SPECC1: variants seen among roughly 807,000 people sequenced by gnomAD.
SPECC1 encodes the protein sperm antigen with calponin homology and coiled-coil domains 1.
SPECC1 carries 62 observed loss-of-function variants against 104.1 expected under a neutral mutation model. The observed-to-expected ratio is 0.60, with a 90% CI of 0.49 to 0.74. SPECC1 has a LOEUF of 0.74. SPECC1 is among the 30% of genes least tolerant of loss of function. SPECC1 has a pLI of 0.00. For synonymous variants in SPECC1, 513 were observed against 501.6 expected, an observed-to-expected ratio of 1.02 and a Z score of -0.30; for missense variants, 1,306 against 1,310.5, an observed-to-expected ratio of 1.00 and a Z score of 0.05.
chr17:20,016,670 A>G (rs889072408), intron 1 of SPECC1, among the ~76,000 whole-genome samples: 15 of 152,336 alleles, frequency 9.8e-5, no homozygotes, highest in South Asian at 4.1e-4. Context: ...CCTGCGGGGC[A>G]GCGCTCATGA....
Position 20,205,761 on chromosome 17 carries a change from T to A in SPECC1, c.1712T>A (p.Val571Glu). ...EKQKATEASAVEQTAESCEVQ... is the reference protein window; with the variant it reads ...EKQKATEASAEEQTAESCEVQ... ...CAGAAAGCCACAGAGGCCAGTGCTG[T>A]GGAGCAGACGGCAGAGAGCTGCGAA... Residue 571 changes from valine (V) to glutamate (E), a missense_variant, in exon 4 of 15, where the codon GTG (valine) becomes GAG (glutamate). Physicochemically the swap from Val to Glu is moderately radical, Grantham distance 121. Transcript: ENST00000395527. 2 of 1,614,176 alleles carry A rather than the reference T, an allele frequency of 1.2e-6. No individual in the cohort carries two copies. Among genetic ancestry groups the A allele is most frequent in the Non-Finnish European group, 1.7e-6 (2 of 1,180,016 alleles).
chr17:20,220,705 C>G (rs934292505), intron 4 of SPECC1, among the ~76,000 whole-genome samples: 2 of 152,030 alleles, frequency 1.3e-5, no homozygotes, highest in Non-Finnish European at 2.9e-5. Flanking sequence ...CTGGGACTTC[C>G]AGTACTGTGT....
rs113912263 is a variant in SPECC1, at chr17:20,062,673, C to T, written c.-21-33958C>T. On this transcript the variant is annotated intron_variant, in intron 1 of 14. Coordinates refer to ENST00000395527, the MANE Select transcript of SPECC1 (RefSeq NM_001243439.2). ...GCCACCATACCAGGTCAAAATTTCA[C>T]GTATAACACAAGAAATACATTTTTT... 1.9e-4 allele frequency among the ~76,000 whole-genome samples: 29 copies of T among 151,522 alleles called. 1 individual carries two copies. Among genetic ancestry groups the T allele is most frequent in the African/African-American group, 6.6e-4 (27 of 41,150 alleles).
chr17:20,163,784 C>G (rs2033393193), intron 3 of SPECC1, among the ~76,000 whole-genome samples: 1 of 152,172 alleles, frequency 6.6e-6, no homozygotes, highest in South Asian at 2.1e-4. Context: ...TGGTCTTGAA[C>G]TCCTGGGCTC....
At chr17:20,158,355 T>C (rs867813042) in intron 3 of SPECC1, among the ~76,000 whole-genome samples, 10 of 152,184 alleles carry the variant, frequency 6.6e-5, no homozygotes, top group Non-Finnish European at 1.0e-4. Flanking sequence ...GAATTAAGAA[T>C]GTATCCAAGA....
At chr17:20,091,707 A>G (rs2047408860) in intron 1 of SPECC1, among the ~76,000 whole-genome samples, 1 of 152,076 alleles carries the variant, frequency 6.6e-6, no homozygotes, top group Non-Finnish European at 1.5e-5. Flanking sequence ...CTGGCAATTG[A>G]GCTATGTGCA....
chr17:20,227,678 G>T, intron 5 of SPECC1, 58 bp downstream of exon 5: 3 of 1,513,736 alleles, frequency 2.0e-6, no homozygotes, highest in South Asian at 1.2e-5. Context: ...ACTTTGGGAG[G>T]CTGAGGCAGG....
rs535958198 is a variant in SPECC1, at chr17:20,096,832, G to T, written c.147+34G>T. On this transcript the variant is annotated intron_variant, in intron 2 of 14. Coordinates refer to ENST00000395527, the MANE Select transcript of SPECC1 (RefSeq NM_001243439.2). ...CAAAATGCACAGGGCCAGGCAGAGCGCCTGGATACCCTGGGTTGGGAGGAT... is the reference window on the plus strand; with the variant it reads ...CAAAATGCACAGGGCCAGGCAGAGCTCCTGGATACCCTGGGTTGGGAGGAT... 2.8e-5 allele frequency: 45 copies of T among 1,589,776 alleles called. 1 individual carries two copies. The East Asian group carries it at 6.5e-4, about 23-fold the overall frequency.
At chr17:20,279,650 A>C (rs917214960) in intron 12 of SPECC1, among the ~76,000 whole-genome samples, 3 of 152,210 alleles carry the variant, frequency 2.0e-5, no homozygotes, top group Admixed American at 2.0e-4. Context: ...GTATAAACTA[A>C]ACTTGATCTT....
intron 1 of SPECC1, among the ~76,000 whole-genome samples, chr17:20,034,354 C>T (rs770188419): frequency 6.6e-6 from 1 of 152,112 alleles, no homozygotes; most frequent in African/African-American, 2.4e-5. Flanking sequence ...GCCCCGGCCT[C>T]CCAAAGTGCT....
chr17:20,016,641 G>A (rs111892160), intron 1 of SPECC1, among the ~76,000 whole-genome samples: 2,964 of 152,318 alleles, frequency 0.019, 81 homozygotes, highest in African/African-American at 0.062. Context: ...CCGATTTCTC[G>A]CTGGGCCTTA....
chr17:20,067,362 T>G (rs2046394323), intron 1 of SPECC1: 1 of 152,120 alleles, frequency 6.6e-6, no homozygotes, highest in African/African-American at 2.4e-5. Context: ...AGACTGGTCT[T>G]GAACTCCTGA....
At chr17:20,147,852 A>G (rs2031614290) in intron 3 of SPECC1, among the ~76,000 whole-genome samples, 1 of 152,222 alleles carries the variant, frequency 6.6e-6, no homozygotes, top group Non-Finnish European at 1.5e-5. Flanking sequence ...TCTGGGCAAC[A>G]TAGTGAGATC....
At chr17:20,187,633 CTT>C in intron 3 of SPECC1, among the ~76,000 whole-genome samples, 1 of 152,204 alleles carries the variant, frequency 6.6e-6, no homozygotes, top group Middle Eastern at 3.2e-3. Flanking sequence ...TGATCCTAGA[CTT>C]TCAGTTATGG....
chr17:20,261,489 A>C (rs538840867), intron 12 of SPECC1, among the ~76,000 whole-genome samples: 1 of 147,916 alleles, frequency 6.8e-6, no homozygotes, highest in Middle Eastern at 3.4e-3. Context: ...GCGACAGAGC[A>C]AGACTCCGTC....
intron 3 of SPECC1, among the ~76,000 whole-genome samples, chr17:20,186,162 G>T (rs748986161): frequency 6.6e-6 from 1 of 152,024 alleles, no homozygotes; most frequent in African/African-American, 2.4e-5. Context: ...TTTATTTCAC[G>T]TTGCATTTTA....
At chr17:20,208,998 T>C (rs1471375378) in intron 4 of SPECC1, among the ~76,000 whole-genome samples, 2 of 152,152 alleles carry the variant, frequency 1.3e-5, no homozygotes, top group African/African-American at 4.8e-5. Flanking sequence ...GAGGATTGAA[T>C]TTTTTCTACA....
intron 1 of SPECC1, among the ~76,000 whole-genome samples, chr17:20,068,237 A>T (rs2046428723): frequency 6.6e-6 from 1 of 152,202 alleles, no homozygotes; most frequent in South Asian, 2.1e-4. Flanking sequence ...CTGGGATTAT[A>T]GGTATGAGCT....
At chr17:20,239,029 T>A in intron 7 of SPECC1, 1 of 1,034,600 alleles carries the variant, frequency 9.7e-7, no homozygotes, top group Non-Finnish European at 1.2e-6. Flanking sequence ...AGAAAAAAGC[T>A]GGATGTAAGT....
Sources: allele counts gnomAD v4.1 joint callset (sites outside exome capture counted in the v4.1 genomes callset), GRCh38; gene constraint gnomAD v4.1.1; transcripts MANE v1.5; gene names NCBI Gene and HGNC (gene_info 2026-07-23, HGNC 2026-07-21).